DLGAP1: variants seen among roughly 807,000 people sequenced by gnomAD.
DLGAP1 encodes the protein DLG associated protein 1, also known as disks large-associated protein 1.
In DLGAP1, 11 loss-of-function variants were observed where a neutral mutation model predicts 90.8. The ratio of observed to expected loss-of-function variants is 0.12; its 90% CI spans 0.08 to 0.20. The LOEUF (loss-of-function observed/expected upper bound fraction) is 0.20. Among genes scored for constraint, DLGAP1 ranks in the 10% least tolerant of loss-of-function variants. The pLI is 1.00. For missense variants in DLGAP1, 1,050 were observed against 1,333.8 expected (o/e 0.79, Z 3.31); for synonymous variants, 558 against 540.7 (o/e 1.03, Z -0.44).
intron 7 of DLGAP1, among the ~76,000 whole-genome samples, chr18:3,669,621 T>C (rs924159981): frequency 2.0e-5 from 3 of 151,548 alleles, no homozygotes; most frequent in Non-Finnish European, 4.4e-5. Flanking sequence ...TGAGGGAGAG[T>C]TGGTCCGGGG....
rs553872267 is a variant in DLGAP1, at chr18:3,556,922, T to C, written c.2057+10568A>G. Among the ~76,000 whole-genome samples the C allele has an allele frequency of 2.0e-5, 3 of 152,288 alleles. No individual in the cohort carries two copies. In the South Asian group the frequency reaches 6.2e-4, roughly 32 times the overall value. On this transcript the variant is annotated intron_variant, in intron 9 of 12. Transcript: ENST00000315677. ...CTCATGTCTGATATTATAAGAGTAA[T>C]TTGTGTCTTCTCTCTTAGTTAGCCT... is the stretch of plus-strand genomic sequence containing the variant.
chr18:3,508,691 C>A (rs200874819), intron 10 of DLGAP1, 30 bp from the exon 11 acceptor site: 1 of 1,545,048 alleles, frequency 6.5e-7, no homozygotes, highest in East Asian at 2.2e-5. Flanking sequence ...GAGAAATTTA[C>A]ACATCATGCT....
chr18:3,756,284 T>C (rs772134448), intron 5 of DLGAP1, among the ~76,000 whole-genome samples: 19 of 151,966 alleles, frequency 1.3e-4, no homozygotes, highest in Admixed American at 6.6e-4. Flanking sequence ...CTCCTGACCT[T>C]GTGATCTGCT....
intron 7 of DLGAP1, among the ~76,000 whole-genome samples, chr18:3,632,754 T>A (rs982805635): frequency 6.6e-6 from 1 of 152,138 alleles, no homozygotes; most frequent in Non-Finnish European, 1.5e-5. Context: ...CTAGAAAAAG[T>A]CTTTTTTTTT....
At chr18:4,110,556 C>T (rs1360836256) in intron 2 of DLGAP1, among the ~76,000 whole-genome samples, 1 of 152,062 alleles carries the variant, frequency 6.6e-6, no homozygotes, top group East Asian at 1.9e-4. Flanking sequence ...TATCAGGTCC[C>T]CATAGTTTAC....
At chr18:3,833,217 C>A (rs1402938841) in intron 4 of DLGAP1, among the ~76,000 whole-genome samples, 1 of 41,884 alleles carries the variant, frequency 2.4e-5, no homozygotes, top group Non-Finnish European at 4.8e-5. Flanking sequence ...TTCCTTCCTT[C>A]CTTCCTTCCT....
chr18:4,375,572 A>G (rs1432802586), intron 1 of DLGAP1, among the ~76,000 whole-genome samples: 1 of 152,096 alleles, frequency 6.6e-6, no homozygotes, highest in African/African-American at 2.4e-5. Flanking sequence ...AAAGCAAATG[A>G]TTTTCTAAGC....
At chr18:4,227,471 C>T (rs1395596046) in intron 1 of DLGAP1, among the ~76,000 whole-genome samples, 1 of 151,770 alleles carries the variant, frequency 6.6e-6, no homozygotes, top group African/African-American at 2.4e-5. Context: ...AGTCTTAAGA[C>T]ATTAAAAAAA....
chr18:4,269,571 G>A (rs981912161), intron 1 of DLGAP1, among the ~76,000 whole-genome samples: 7 of 151,732 alleles, frequency 4.6e-5, no homozygotes, highest in South Asian at 4.2e-4. Flanking sequence ...AGCCAGGATG[G>A]TCTCGATCTC....
chr18:4,347,859 G>C (rs534616017), intron 1 of DLGAP1, among the ~76,000 whole-genome samples: 150 of 151,928 alleles, frequency 9.9e-4, no homozygotes, highest in African/African-American at 3.4e-3. Flanking sequence ...GTAGAGAAGA[G>C]GTAAAAGTAT....
chr18:3,839,635 A>T (rs1453831316), intron 4 of DLGAP1, among the ~76,000 whole-genome samples: 2 of 152,222 alleles, frequency 1.3e-5, no homozygotes, highest in African/African-American at 4.8e-5. Context: ...GGGTACTGCT[A>T]GAAACAGATT....
intron 1 of DLGAP1, among the ~76,000 whole-genome samples, chr18:4,353,031 T>C (rs1390752767): frequency 6.6e-6 from 1 of 152,152 alleles, no homozygotes; most frequent in Non-Finnish European, 1.5e-5. Flanking sequence ...ACAGTTATCA[T>C]CTGCAAGAAA....
At chr18:3,563,276 G>C (rs1235472356) in intron 9 of DLGAP1, among the ~76,000 whole-genome samples, 1 of 151,988 alleles carries the variant, frequency 6.6e-6, no homozygotes. Flanking sequence ...CATTTATCTT[G>C]TTTGGTATTC....
intron 4 of DLGAP1, among the ~76,000 whole-genome samples, chr18:3,829,152 A>T (rs549846884): frequency 1.8e-4 from 28 of 152,368 alleles, no homozygotes; most frequent in African/African-American, 6.5e-4. Context: ...CTTAGACCAG[A>T]CATGTGATTT....
intron 4 of DLGAP1, among the ~76,000 whole-genome samples, chr18:3,842,241 T>G (rs1281407555): frequency 1.3e-5 from 2 of 151,958 alleles, no homozygotes; most frequent in Non-Finnish European, 2.9e-5. Context: ...CCAGTATGGC[T>G]GAAATGCAGA....
At chr18:3,857,892 A>T (rs1259036576) in intron 4 of DLGAP1, among the ~76,000 whole-genome samples, 1 of 151,904 alleles carries the variant, frequency 6.6e-6, no homozygotes, top group Non-Finnish European at 1.5e-5. Flanking sequence ...CATCCACCCC[A>T]CTCAATTCTT....
At chr18:3,892,118 CACACACACA>C (rs1433053690) in intron 3 of DLGAP1, 5 of 8,188 alleles carry the variant, frequency 6.1e-4, no homozygotes, top group African/African-American at 8.9e-4. Context: ...CTCTAAAACA[CACACACACA>C]CACACACACA....
intron 5 of DLGAP1, among the ~76,000 whole-genome samples, chr18:3,761,519 T>C (rs1475952464): frequency 3.3e-5 from 5 of 152,178 alleles, no homozygotes; most frequent in Admixed American, 6.5e-5. Flanking sequence ...TTTTGGTTAT[T>C]GTGAATAATG....
At chr18:4,026,772 T>C (rs189502719) in intron 2 of DLGAP1, among the ~76,000 whole-genome samples, 3 of 152,316 alleles carry the variant, frequency 2.0e-5, no homozygotes, top group African/African-American at 2.4e-5. Flanking sequence ...ATAAAAGACA[T>C]GCAAAAACCT....
Sources: allele counts gnomAD v4.1 joint callset (sites outside exome capture counted in the v4.1 genomes callset), GRCh38; gene constraint gnomAD v4.1.1; transcripts MANE v1.5; gene names NCBI Gene and HGNC (gene_info 2026-07-23, HGNC 2026-07-21).